GPAT3: variants seen among roughly 807,000 people sequenced by gnomAD.
The protein encoded by GPAT3 is glycerol-3-phosphate acyltransferase 3.
A neutral mutation model predicts 58.8 loss-of-function variants in GPAT3; 53 were observed. The observed-to-expected ratio is 0.90, with a 90% CI of 0.72 to 1.13. GPAT3 has a LOEUF of 1.13. Ranked by LOEUF, GPAT3 falls within the 50% of genes most tolerant of loss-of-function variation. GPAT3 has a pLI of 0.00. For missense variants in GPAT3, 511 were observed against 527.6 expected (o/e 0.97, Z 0.31); for synonymous variants, 197 against 187.4 (o/e 1.05, Z -0.42).
At chr4:83,577,235 C>G (rs1429607694) in intron 2 of GPAT3, among the ~76,000 whole-genome samples, 1 of 151,986 alleles carries the variant, frequency 6.6e-6, no homozygotes, top group Non-Finnish European at 1.5e-5. Context: ...GGAACCTTTC[C>G]ACATTTAAAG....
chr4:83,566,093 G>C (rs1375261645), intron 2 of GPAT3, among the ~76,000 whole-genome samples: 2 of 152,232 alleles, frequency 1.3e-5, no homozygotes, highest in Admixed American at 6.5e-5. Flanking sequence ...AGGGCATAAA[G>C]ACATGAAGGC....
At chr4:83,535,601 A>T, upstream of GPAT3, 3 of 618,096 alleles carry the variant, frequency 4.9e-6, no homozygotes, top group Non-Finnish European at 6.1e-6. Flanking sequence ...ATCTTCCCCC[A>T]GAAAGGGAGT....
intron 3 of GPAT3, among the ~76,000 whole-genome samples, chr4:83,583,699 G>GAAAAAAAAAA (rs1726256194): frequency 1.2e-5 from 1 of 81,412 alleles, no homozygotes; most frequent in African/African-American, 5.7e-5. Context: ...AAAAAAAAAT[G>GAAAAAAAAAA]AAGCTGGGCC....
At chr4:83,570,536 G>A (rs1396422291) in intron 2 of GPAT3, among the ~76,000 whole-genome samples, 4 of 145,748 alleles carry the variant, frequency 2.7e-5, no homozygotes, top group South Asian at 2.1e-4. Context: ...GCAGCGGCAC[G>A]ATCTCGGCTC....
chr4:83,603,379 T>C (rs1389973129), intron 11 of GPAT3, among the ~76,000 whole-genome samples: 6 of 152,260 alleles, frequency 3.9e-5, no homozygotes, highest in Admixed American at 2.0e-4. Flanking sequence ...AATGAAGGAA[T>C]GCTGCTTACA....
intron 2 of GPAT3, among the ~76,000 whole-genome samples, chr4:83,546,293 A>G (rs1724506728): frequency 1.3e-5 from 2 of 151,522 alleles, no homozygotes; most frequent in South Asian, 4.2e-4. Flanking sequence ...CCCAGCCATG[A>G]GTTTTAAAGG....
At chr4:83,573,764 A>G (rs981019599) in intron 2 of GPAT3, among the ~76,000 whole-genome samples, 4 of 152,172 alleles carry the variant, frequency 2.6e-5, no homozygotes, top group Non-Finnish European at 5.9e-5. Flanking sequence ...GAACAGGTAA[A>G]CTCCTCCCTG....
chr4:83,566,419 T>TTTATTATTATTATTATTATTA (rs10688921), intron 2 of GPAT3, among the ~76,000 whole-genome samples: 91 of 143,582 alleles, frequency 6.3e-4, no homozygotes, highest in African/African-American at 2.2e-3. Context: ...AATTAATTAA[T>TTTATTATTATTATTATTATTA]TTATTATTAT....
intron 6 of GPAT3, among the ~76,000 whole-genome samples, chr4:83,593,070 T>A (rs1467067944): frequency 6.6e-6 from 1 of 151,692 alleles, no homozygotes; most frequent in African/African-American, 2.4e-5. Flanking sequence ...TTTTGCCATG[T>A]TGGCCAGGCT....
At chr4:83,539,833 G>A (rs1228600770) in intron 1 of GPAT3, among the ~76,000 whole-genome samples, 9 of 152,136 alleles carry the variant, frequency 5.9e-5, no homozygotes, top group African/African-American at 1.9e-4. Flanking sequence ...CTTTATAGTC[G>A]AGAAAATTGT....
At position 83,587,092 on chromosome 4, in the gene GPAT3, C is replaced by T. The variant is rs1022071658; in HGVS notation, c.480-163C>T. Among the ~76,000 whole-genome samples the T allele has an allele frequency of 9.2e-5, 14 of 152,162 alleles. No homozygotes were observed. The East Asian group carries it at 1.5e-3, about 17-fold the overall frequency. On this transcript the variant is annotated intron_variant, in intron 3 of 11. Coordinates refer to ENST00000264409, the MANE Select transcript of GPAT3 (RefSeq NM_032717.5). ...TAAAGTGTGTCGTGGAACATTCTTC[C>T]GTGTTAGATCTATATAGATTTACCC...
At chr4:83,594,120 T>C (rs1393426654) in intron 6 of GPAT3, among the ~76,000 whole-genome samples, 1 of 152,216 alleles carries the variant, frequency 6.6e-6, no homozygotes, top group African/African-American at 2.4e-5. Context: ...TTCTTTTGTC[T>C]TTTTCATTTA....
intron 10 of GPAT3, 82 bp downstream of exon 10, chr4:83,598,261 T>C (rs1726924854): frequency 1.8e-5 from 28 of 1,544,824 alleles, no homozygotes; most frequent in Middle Eastern, 3.4e-4. Context: ...CCCTTCTCCA[T>C]GTCATGCTTT....
Position 83,588,199 on chromosome 4 carries a change from A to T in GPAT3, c.555-11A>T. ...CAGAATGGCACAATAAAATGTTTCT[A>T]TTTCCTTCAGCCTCAAAAACTGGCT... On this transcript the variant is annotated splice_polypyrimidine_tract_variant and intron_variant, in intron 4 of 11. Coordinates refer to ENST00000264409, the MANE Select transcript of GPAT3 (RefSeq NM_032717.5). 6.2e-7 allele frequency: 1 copy of T among 1,613,480 alleles called. No individual in the cohort carries two copies. The highest frequency in any genetic ancestry group is 8.5e-7 in the Non-Finnish European group (1 of 1,179,596).
chr4:83,600,963 G>A (rs1430497439), intron 11 of GPAT3, among the ~76,000 whole-genome samples: 2 of 152,154 alleles, frequency 1.3e-5, no homozygotes, highest in African/African-American at 2.4e-5. Flanking sequence ...TTGTAGCAAT[G>A]TTTCTAGGAG....
At chr4:83,559,297 G>T (rs1160703413) in intron 2 of GPAT3, among the ~76,000 whole-genome samples, 1 of 151,996 alleles carries the variant, frequency 6.6e-6, no homozygotes, top group Non-Finnish European at 1.5e-5. Context: ...GGATTACTTA[G>T]TATATAAGCA....
At chr4:83,603,898 T>C (rs931347190) in intron 11 of GPAT3, among the ~76,000 whole-genome samples, 2 of 152,204 alleles carry the variant, frequency 1.3e-5, no homozygotes, top group African/African-American at 4.8e-5. Context: ...TTAAGAAATT[T>C]ACCCACACAT....
intron 2 of GPAT3, among the ~76,000 whole-genome samples, chr4:83,561,969 G>A (rs1185467931): frequency 6.6e-6 from 1 of 150,904 alleles, no homozygotes; most frequent in African/African-American, 2.4e-5. Context: ...ATCTTTGCTT[G>A]TGATCATTTA....
chr4:83,585,998 G>A (rs868091713), intron 3 of GPAT3, among the ~76,000 whole-genome samples: 5 of 152,080 alleles, frequency 3.3e-5, no homozygotes, highest in South Asian at 4.2e-4. Context: ...ATCCTGGCTC[G>A]GTTGCTTATT....
Sources: gnomAD v4.1 joint callset for allele counts (sites outside exome capture counted in the v4.1 genomes callset) on GRCh38, gnomAD v4.1.1 for gene constraint, MANE v1.5 for transcripts, NCBI Gene and HGNC (gene_info 2026-07-23, HGNC 2026-07-21) for gene names.